The following HUWE1 variants were observed in gnomAD, a reference collection of about 807,000 sequenced individuals.
HUWE1 encodes the protein E3 ubiquitin-protein ligase HUWE1.
Under a neutral mutation model 299.4 loss-of-function variants are expected in HUWE1, and 18 were observed. The ratio of observed to expected loss-of-function variants is 0.06; its 90% CI spans 0.04 to 0.09. The LOEUF is 0.09. Ranked by LOEUF, HUWE1 falls within the 10% of genes least tolerant of loss-of-function variation. The probability of loss-of-function intolerance (pLI) is 1.00; values close to 1 mark genes in which losing one functional copy is unlikely to be tolerated. For missense variants in HUWE1, 1,832 were observed against 3,462.3 expected (o/e 0.53, Z 11.82); for synonymous variants, 1,317 against 1,286.1 (o/e 1.02, Z -0.51).
chrX:53,591,475 A>G (rs1427220128), intron 33 of HUWE1, among the ~76,000 whole-genome samples: 1 of 112,050 alleles, frequency 8.9e-6, no homozygotes, highest in Non-Finnish European at 1.9e-5. Flanking sequence ...AACTGGTAAC[A>G]GAGCAAGTGC....
chrX:53,583,653 G>C lies in HUWE1; in HGVS notation c.5425C>G (p.Gln1809Glu), dbSNP rs2063730623. The change falls in exon 42 of 84, where the codon CAG becomes GAG. Residue 1809 changes from glutamine (Q) to glutamate (E), a missense_variant. Physicochemically the swap from Gln to Glu is conservative, Grantham distance 29. Around this residue, in one of 15 missense-constraint regions of HUWE1, gnomAD observed 50 missense variants for 114.9 expected, o/e 0.44. Transcript: ENST00000262854. ...KSTRMILNLT[Q>E]SSGFNGFTPL... ...GTAAACCCATTGAAGCCTGAGCTCTGGGTCAAATTCAAGATCATGCGGGTA... is the reference window on the plus strand; with the variant it reads ...GTAAACCCATTGAAGCCTGAGCTCTCGGTCAAATTCAAGATCATGCGGGTA... The C allele has an allele frequency of 2.5e-6, 3 of 1,210,973 alleles. No individual in the cohort carries two copies. Among genetic ancestry groups the C allele is most frequent in the Non-Finnish European group, 2.2e-6 (2 of 894,828 alleles).
chrX:53,588,935 T>C (rs2064003009), intron 36 of HUWE1, among the ~76,000 whole-genome samples: 1 of 112,664 alleles, frequency 8.9e-6, no homozygotes, highest in Admixed American at 9.4e-5. Context: ...AAATGTTTTA[T>C]CCAGTTTTCC....
At chrX:53,603,157 C>G (rs1449721096) in intron 27 of HUWE1, among the ~76,000 whole-genome samples, 1 of 111,480 alleles carries the variant, frequency 9.0e-6, no homozygotes, top group Non-Finnish European at 1.9e-5. Context: ...AGCCACAACT[C>G]AATTTTTTGT....
intron 6 of HUWE1, among the ~76,000 whole-genome samples, chrX:53,646,358 A>AT (rs1412932265): frequency 9.0e-6 from 1 of 110,503 alleles, no homozygotes; most frequent in African/African-American, 3.3e-5. Flanking sequence ...GGGTCTCACT[A>AT]TGTTGCCCAG....
At chrX:53,657,025 C>G (rs782024415) in intron 3 of HUWE1, among the ~76,000 whole-genome samples, 1 of 111,758 alleles carries the variant, frequency 8.9e-6, no homozygotes, top group Admixed American at 9.4e-5. Flanking sequence ...CTAAGCCTCA[C>G]ACTTTATATA....
In HUWE1 at chrX:53,592,458, T is replaced by C. The variant is rs145051649; in HGVS notation, c.3912A>G (p.Thr1304=). The C allele has an allele frequency of 1.9e-3, 2,342 of 1,208,796 alleles. 35 individuals carry two copies. The African/African-American group carries it at 0.035, about 18-fold the overall frequency. The change falls in exon 33 of 84, where the codon ACA becomes ACG. Residue 1304 remains threonine (T), a synonymous_variant. Transcript: ENST00000262854. The part of the protein sequence containing the change: ...EKEGSRGEED[T]GQEEGGSRRE... ...GGCGGGAGCCACCTTCCTCTTGCCC[T>C]GTATCCTCTTCTCCTCGAGACCCCT... is the stretch of plus-strand genomic sequence containing the variant.
intron 17 of HUWE1, chrX:53,625,829 A>AGGACCGGGGCCG (rs2066450404): frequency 7.8e-6 from 1 of 128,287 alleles, no homozygotes; most frequent in Admixed American, 9.6e-5. Context: ...GGCCGGGACC[A>AGGACCGGGGCCG]GGACCGGGGC....
intron 6 of HUWE1, among the ~76,000 whole-genome samples, chrX:53,645,710 C>A: frequency 5.0e-5 from 2 of 40,391 alleles, no homozygotes; most frequent in African/African-American, 1.1e-4. Flanking sequence ...GAGACTCTGT[C>A]TCAAAAAAAG....
intron 39 of HUWE1, 94 bp downstream of exon 39, chrX:53,586,396 C>G (rs2063859490): frequency 1.2e-5 from 7 of 570,954 alleles, no homozygotes; most frequent in Middle Eastern, 3.2e-4. Flanking sequence ...TCAGAGACTT[C>G]TATATTCTTC....
chrX:53,602,906 A>T (rs1556992598), intron 27 of HUWE1, among the ~76,000 whole-genome samples: 1 of 102,013 alleles, frequency 9.8e-6, no homozygotes, highest in Non-Finnish European at 2.0e-5. Flanking sequence ...GCTGGAGTGC[A>T]GTGGCATGAT....
chrX:53,578,312 G>A (rs1401204170), intron 43 of HUWE1, among the ~76,000 whole-genome samples: 1 of 109,273 alleles, frequency 9.2e-6, no homozygotes, highest in Non-Finnish European at 1.9e-5. Context: ...TGGGAAGTGA[G>A]GAGCGTCTCC....
intron 35 of HUWE1, among the ~76,000 whole-genome samples, chrX:53,590,017 A>G (rs2064073406): frequency 8.9e-6 from 1 of 112,049 alleles, no homozygotes; most frequent in Non-Finnish European, 1.9e-5. Context: ...GCTTCAAACA[A>G]CTTTCACTGT....
chrX:53,604,565 G>A (rs2065059019), intron 26 of HUWE1, 24 bp downstream of exon 26: 1 of 1,205,782 alleles, frequency 8.3e-7, no homozygotes, highest in Non-Finnish European at 1.1e-6. Flanking sequence ...AAATTAATAT[G>A]TTCACCCCTA....
At chrX:53,675,615 C>T (rs1557050852) in intron 3 of HUWE1, among the ~76,000 whole-genome samples, 2 of 110,622 alleles carry the variant, frequency 1.8e-5, no homozygotes, top group Admixed American at 1.9e-4. Context: ...TAGCAACATT[C>T]AGTAAATGTT....
intron 23 of HUWE1, 39 bp downstream of exon 23, chrX:53,614,495 C>T (rs781993368): frequency 1.9e-6 from 2 of 1,038,011 alleles, no homozygotes; most frequent in South Asian, 1.9e-5. Flanking sequence ...AACATGCCCA[C>T]GATTATATGG....
intron 21 of HUWE1, among the ~76,000 whole-genome samples, chrX:53,616,326 C>T (rs1254412915): frequency 9.0e-6 from 1 of 110,771 alleles, no homozygotes; most frequent in Non-Finnish European, 1.9e-5. Flanking sequence ...AGGAAGGAAT[C>T]AGTTTAGTAA....
At position 53,557,398 on chromosome X, in the gene HUWE1, A is replaced by G. The variant is rs1177975063; in HGVS notation, c.8190T>C (p.Thr2730=). The part of the protein sequence containing the change: ...QCTASKSNDS[T]EQNLSDGTPM... ...GAGAGTTACCTGAGAGATTCTGTTCAGTGGAGTCATTTGACTTAGATGCAG... is the reference window on the plus strand; with the variant it reads ...GAGAGTTACCTGAGAGATTCTGTTCGGTGGAGTCATTTGACTTAGATGCAG... Residue 2730 remains threonine (T), a synonymous_variant, in exon 60 of 84, where the codon ACT becomes ACC. Coordinates refer to ENST00000262854, the MANE Select transcript of HUWE1 (RefSeq NM_031407.7). 5 of 1,207,679 alleles carry G rather than the reference A, an allele frequency of 4.1e-6. No homozygotes were observed. Among genetic ancestry groups the G allele is most frequent in the Non-Finnish European group, 5.6e-6 (5 of 892,833 alleles).
intron 25 of HUWE1, among the ~76,000 whole-genome samples, chrX:53,605,865 C>A (rs1372616244): frequency 1.8e-5 from 2 of 111,679 alleles, no homozygotes; most frequent in Non-Finnish European, 3.8e-5. Context: ...TAAATCTTCA[C>A]ATATATATGG....
At chrX:53,538,589 G>A in intron 76 of HUWE1, 135 bp from the exon 77 acceptor site, 2 of 564,173 alleles carry the variant, frequency 3.5e-6, no homozygotes, top group Non-Finnish European at 6.0e-6. Flanking sequence ...CAAAACCAAG[G>A]GCCAGCCCTT....
Sources: gnomAD v4.1 joint callset for allele counts (sites outside exome capture counted in the v4.1 genomes callset) on GRCh38, gnomAD v4.1.1 for gene constraint, gnomAD v4.1.1 regional missense constraint, MANE v1.5 for transcripts, NCBI Gene and HGNC (gene_info 2026-07-23, HGNC 2026-07-21) for gene names.